Variants in BMS1 observed in about 807,000 individuals in gnomAD.
The protein encoded by BMS1 is BMS1 ribosome biogenesis factor, also known as ribosome biogenesis protein BMS1 homolog.
BMS1 carries 53 observed loss-of-function variants against 138.7 expected under a neutral mutation model. The ratio of observed to expected loss-of-function variants is 0.38; its 90% CI spans 0.31 to 0.48. The LOEUF is 0.48. Ranked by LOEUF, BMS1 falls within the 20% of genes least tolerant of loss-of-function variation. The pLI is 0.97. For missense variants in BMS1, 1,360 were observed against 1,565.5 expected (o/e 0.87, Z 2.22); for synonymous variants, 504 against 539.9 (o/e 0.93, Z 0.92).
chr10:42,811,786 A>G (rs1306994311), intron 13 of BMS1, among the ~76,000 whole-genome samples: 1 of 151,364 alleles, frequency 6.6e-6, no homozygotes, highest in Non-Finnish European at 1.5e-5. Context: ...GGCCTCCCAA[A>G]GTGCTGGGAT....
chr10:42,794,446 T>C (rs1437334393), intron 9 of BMS1, among the ~76,000 whole-genome samples: 1 of 151,924 alleles, frequency 6.6e-6, no homozygotes, highest in African/African-American at 2.4e-5. Flanking sequence ...CCAGTCTGGG[T>C]TGGGGATTTG....
intron 12 of BMS1, among the ~76,000 whole-genome samples, chr10:42,800,524 G>A (rs938965126): frequency 7.0e-6 from 1 of 143,680 alleles, no homozygotes; most frequent in Non-Finnish European, 1.5e-5. Flanking sequence ...GTAAATGCTT[G>A]ATTTTTTTTT....
At chr10:42,805,079 A>G (rs73254226) in intron 13 of BMS1, among the ~76,000 whole-genome samples, 12,838 of 152,144 alleles carry the variant, frequency 0.084, 895 homozygotes, top group African/African-American at 0.18. Flanking sequence ...TGCCTCACCC[A>G]ATGTCACAAA....
chr10:42,787,596 C>CA (rs1841376268), intron 4 of BMS1, among the ~76,000 whole-genome samples: 1 of 152,156 alleles, frequency 6.6e-6, no homozygotes, highest in African/African-American at 2.4e-5. Flanking sequence ...CTCTTCCTGG[C>CA]ACTGTGCTAA....
In BMS1 at chr10:42,830,434, C is replaced by T. The variant is rs760374723; in HGVS notation, c.3618+12C>T. On this transcript the variant is annotated intron_variant, in intron 22 of 22. Coordinates refer to ENST00000374518, the MANE Select transcript of BMS1 (RefSeq NM_014753.4). The stretch of plus-strand genomic sequence containing the variant: ...CTCATGAAAGAAAGGTACTGTTGCC[C>T]ATGCTGTACTGCACGCTGCGTTTAG... The T allele has an allele frequency of 4.4e-6, 7 of 1,601,232 alleles. No homozygotes were observed. Among genetic ancestry groups the T allele is most frequent in the Non-Finnish European group, 5.1e-6 (6 of 1,176,768 alleles).
rs73252895 is a variant in BMS1 at position 42,787,048 on chromosome 10, T to C, written c.368-120T>C. 816 of 760,548 alleles carry C rather than the reference T, an allele frequency of 1.1e-3. 5 individuals carry two copies. The African/African-American group carries it at 0.012, about 12-fold the overall frequency. 47.1% of individuals were successfully genotyped at this position (760,548 alleles called of 1,614,324 possible). A position where few individuals can be genotyped will look rare whatever the true frequency, so the allele number is the denominator to read the frequency against. ...TGCCTGTAAAAATGAACTTCTTGTA[T>C]GCTCCTGTAAATGTATATGATGTTT... On this transcript the variant is annotated intron_variant, in intron 3 of 22. Transcript: ENST00000374518.
intron 4 of BMS1, among the ~76,000 whole-genome samples, chr10:42,787,946 C>T (rs979418835): frequency 3.7e-4 from 56 of 152,054 alleles, no homozygotes; most frequent in Non-Finnish European, 6.8e-4. Flanking sequence ...AAATAAAATA[C>T]AAATTAGCAA....
rs756951927 is a variant in BMS1 at position 42,830,304 on chromosome 10, C to A, written c.3500C>A (p.Pro1167Gln). ...QKKHFNSLHIPKALQKALPFK... is the reference protein window; with the variant it reads ...QKKHFNSLHIQKALQKALPFK... ...AAACATTTTAATTCACTGCACATTC[C>A]AAAAGCCTTGCAGAAGGCCCTGCCA... Residue 1167 changes from proline (P) to glutamine (Q), a missense_variant, in exon 22 of 23, where the codon CCA (proline) becomes CAA (glutamine). Physicochemically the swap from Pro to Gln is moderately conservative, Grantham distance 76. Coordinates refer to ENST00000374518, the MANE Select transcript of BMS1 (RefSeq NM_014753.4). The A allele has an allele frequency of 2.5e-5, 41 of 1,613,664 alleles. No homozygotes were observed. Among genetic ancestry groups the A allele is most frequent in the Admixed American group, 8.3e-5 (5 of 59,904 alleles).
intron 13 of BMS1, among the ~76,000 whole-genome samples, chr10:42,810,539 C>G (rs1351055954): frequency 6.6e-6 from 1 of 151,972 alleles, no homozygotes; most frequent in Non-Finnish European, 1.5e-5. Flanking sequence ...CAAAGTGTCC[C>G]CTATTCTGTT....
intron 12 of BMS1, among the ~76,000 whole-genome samples, chr10:42,800,651 C>T (rs553323096): frequency 7.9e-5 from 12 of 151,808 alleles, no homozygotes; most frequent in Admixed American, 2.6e-4. Context: ...CTCAGCCTCC[C>T]GAGTAGCTGG....
chr10:42,818,572 C>T lies in BMS1; in HGVS notation c.2580+1078C>T, dbSNP rs1446687890. On this transcript the variant is annotated intron_variant, in intron 15 of 22. Coordinates refer to ENST00000374518, the MANE Select transcript of BMS1 (RefSeq NM_014753.4). ...GGTGTGTGAGAGGAAATGAGGATGT[C>T]GACTGGAAGTTCCTGGAAGGACGGG... is the stretch of plus-strand genomic sequence containing the variant. Among the ~76,000 whole-genome samples the T allele has an allele frequency of 2.0e-5, 3 of 152,082 alleles. 1 individual carries two copies. Among genetic ancestry groups the T allele is most frequent in the Non-Finnish European group, 2.9e-5 (2 of 68,034 alleles).
At chr10:42,820,055 G>A (rs1165769866) in intron 15 of BMS1, 181 bp from the exon 16 acceptor site, 2 of 306,724 alleles carry the variant, frequency 6.5e-6, no homozygotes, top group Non-Finnish European at 9.5e-6. Flanking sequence ...GCCTCCCAAA[G>A]TGCTGGGATT....
chr10:42,810,742 A>G (rs1439392629), intron 13 of BMS1, among the ~76,000 whole-genome samples: 4 of 152,176 alleles, frequency 2.6e-5, no homozygotes, highest in Non-Finnish European at 5.9e-5. Flanking sequence ...ATGATTTTCA[A>G]GGTGTTTCAA....
In BMS1 at chr10:42,796,490, G is replaced by A; in HGVS notation, c.1246G>A (p.Glu416Lys). 6.2e-6 allele frequency: 10 copies of A among 1,612,650 alleles called. No individual in the cohort carries two copies. Among genetic ancestry groups the A allele is most frequent in the Non-Finnish European group, 8.5e-6 (10 of 1,178,742 alleles). The change falls in exon 10 of 23, where the codon GAG becomes AAG. Residue 416 changes from glutamate to lysine, a missense_variant. By Grantham distance (56) the Glu-to-Lys change is moderately conservative. This residue lies in a region of BMS1 where 697 missense variants were observed against 686.2 expected (regional missense o/e 1.02). Transcript: ENST00000374518. ...IDNQGLMMPK[E>K]EKQMDLNTGR... ...GTAATACAGGCTAATGATGCCAAAG[G>A]AGGAAAAACAAATGGACTTGAACAC...
intron 5 of BMS1, 36 bp from the exon 6 acceptor site, chr10:42,791,591 T>G (rs570608821): frequency 6.4e-7 from 1 of 1,563,608 alleles, no homozygotes; most frequent in African/African-American, 1.4e-5. Context: ...GATAATTTAA[T>G]TGAAATTTAA....
intron 21 of BMS1, among the ~76,000 whole-genome samples, chr10:42,828,606 C>G (rs1842722712): frequency 6.6e-6 from 1 of 151,906 alleles, no homozygotes; most frequent in Non-Finnish European, 1.5e-5. Context: ...GACAATTGGC[C>G]TCTTCAGTTT....
Position 42,830,388 on chromosome 10 carries a change from G to A in BMS1, c.3584G>A (p.Arg1195Lys). The change falls in exon 22 of 23, where the codon AGA (arginine) becomes AAA (lysine). Residue 1195 changes from arginine (R) to lysine (K), a missense_variant. Physicochemically the swap from Arg to Lys is conservative, Grantham distance 26. Coordinates refer to ENST00000374518, the MANE Select transcript of BMS1 (RefSeq NM_014753.4). ...GGCAAGGTGCCAAAGGACAGGCGGA[G>A]ACCGGCCGTCATACGCGAGCCTCAT... ...KAGKVPKDRR[R>K]PAVIREPHER... 6.2e-7 allele frequency: 1 copy of A among 1,612,444 alleles called. No individual in the cohort carries two copies. The highest frequency in any genetic ancestry group is 8.5e-7 in the Non-Finnish European group (1 of 1,179,668).
At chr10:42,809,283 C>T (rs1178348686) in intron 13 of BMS1, among the ~76,000 whole-genome samples, 1 of 152,138 alleles carries the variant, frequency 6.6e-6, no homozygotes, top group Non-Finnish European at 1.5e-5. Flanking sequence ...GCTAAACTCA[C>T]TTATTAGTTG....
At chr10:42,786,589 C>T (rs896924543) in intron 3 of BMS1, among the ~76,000 whole-genome samples, 13 of 142,208 alleles carry the variant, frequency 9.1e-5, no homozygotes, top group Middle Eastern at 3.6e-3. Flanking sequence ...CTTTTTTTTC[C>T]TTTTTTTTTT....
Sources: allele counts gnomAD v4.1 joint callset (sites outside exome capture counted in the v4.1 genomes callset), GRCh38; gene constraint gnomAD v4.1.1; regional missense constraint gnomAD v4.1.1; transcripts MANE v1.5; gene names NCBI Gene and HGNC (gene_info 2026-07-23, HGNC 2026-07-21).